Variants in RNF20 observed in about 807,000 individuals in gnomAD.
RNF20 encodes ring finger protein 20.
In RNF20, 84 loss-of-function variants were observed where a neutral mutation model predicts 126.2. The observed-to-expected ratio is 0.67, with a 90% CI of 0.56 to 0.80. RNF20 has a LOEUF of 0.80. Among genes scored for constraint, RNF20 ranks in the 30% least tolerant of loss-of-function variants. The probability of loss-of-function intolerance (pLI) is 0.00; values close to 1 mark genes in which losing one functional copy is unlikely to be tolerated. For synonymous variants in RNF20, 400 were observed against 414.3 expected (o/e 0.97, Z 0.42); for missense variants, 869 against 1,188.2 (o/e 0.73, Z 3.95).
At chr9:101,538,370 T>C (rs1391150238) in intron 2 of RNF20, among the ~76,000 whole-genome samples, 1 of 152,124 alleles carries the variant, frequency 6.6e-6, no homozygotes, top group African/African-American at 2.4e-5. Context: ...GCTAAGTCTT[T>C]GTGAAATGTG....
intron 15 of RNF20, among the ~76,000 whole-genome samples, chr9:101,555,801 A>C (rs1363381154): frequency 6.6e-6 from 1 of 151,684 alleles, no homozygotes; most frequent in African/African-American, 2.4e-5. Context: ...AAAAAAAAAA[A>C]AAACAAAATT....
chr9:101,557,748 T>C (rs898030404), intron 16 of RNF20, 152 bp downstream of exon 16: 1 of 606,864 alleles, frequency 1.6e-6, no homozygotes, highest in Admixed American at 3.0e-5. Context: ...GGTAAATAAA[T>C]TATACATCTC....
chr9:101,560,328 TA>T (rs1827605323), intron 16 of RNF20, among the ~76,000 whole-genome samples: 1 of 152,162 alleles, frequency 6.6e-6, no homozygotes, highest in African/African-American at 2.4e-5. Flanking sequence ...TACCTCTACA[TA>T]TTGGGATGAG....
chr9:101,557,664 A>G, intron 16 of RNF20, 68 bp downstream of exon 16: 1 of 1,211,002 alleles, frequency 8.3e-7, no homozygotes, highest in Non-Finnish European at 1.2e-6. Flanking sequence ...GATATAAGTA[A>G]AAGAATGATT....
At chr9:101,547,020 G>T in intron 7 of RNF20, 54 bp downstream of exon 7, 1 of 1,605,426 alleles carries the variant, frequency 6.2e-7, no homozygotes, top group Admixed American at 1.7e-5. Flanking sequence ...AGTGTTCTCA[G>T]GAAGACTCAC....
At chr9:101,548,321 A>G (rs1187478842) in intron 9 of RNF20, among the ~76,000 whole-genome samples, 1 of 152,170 alleles carries the variant, frequency 6.6e-6, no homozygotes, top group Non-Finnish European at 1.5e-5. Flanking sequence ...GGTGGTTACC[A>G]GGGTTGGGGA....
chr9:101,552,901 G>T, intron 13 of RNF20, 148 bp downstream of exon 13: 2 of 812,642 alleles, frequency 2.5e-6, no homozygotes, highest in Non-Finnish European at 3.8e-6. Context: ...GTGTTCAAGT[G>T]CACAGCCAAA....
At chr9:101,540,746 CA>C in intron 4 of RNF20, 46 bp from the exon 5 acceptor site, 1 of 1,592,878 alleles carries the variant, frequency 6.3e-7, no homozygotes, top group Non-Finnish European at 8.5e-7. Context: ...TTGTTATTTC[CA>C]GTTTATAATT....
In RNF20 at chr9:101,554,501, G is replaced by C. The variant is rs2118725109; in HGVS notation, c.2020-193G>C. ...CTTCTCAAAAGTGTTGCTTATAGAA[G>C]CATGTCATAGTAGAATGGAGTGATG... On this transcript the variant is annotated intron_variant, in intron 14 of 19. Transcript: ENST00000389120. Among the ~76,000 whole-genome samples, 2 of 152,280 alleles carry C rather than the reference G, an allele frequency of 1.3e-5. 1 individual carries two copies. Among genetic ancestry groups the C allele is most frequent in the South Asian group, 4.1e-4 (2 of 4,828 alleles).
chr9:101,561,242 T>C lies in RNF20; in HGVS notation c.2649+12T>C. 1 of 1,612,608 alleles carries C rather than the reference T, an allele frequency of 6.2e-7. No individual in the cohort carries two copies. The highest frequency in any genetic ancestry group is 2.2e-5 in the East Asian group (1 of 44,852). ...TCAAACGAGCCCAGGTAAAAGCAGT[T>C]GTCTTTTCTTGTCACCTTTTAGGTG... On this transcript the variant is annotated intron_variant, in intron 18 of 19. Coordinates refer to ENST00000389120, the MANE Select transcript of RNF20 (RefSeq NM_019592.7).
chr9:101,541,496 GGAAA>G (rs1827259909), intron 5 of RNF20, among the ~76,000 whole-genome samples: 1 of 152,226 alleles, frequency 6.6e-6, no homozygotes. Flanking sequence ...AATAAGCTGA[GGAAA>G]GAGTTTATCA....
At position 101,552,558 on chromosome 9, in the gene RNF20, G is replaced by A. The variant is rs770333462; in HGVS notation, c.1706G>A (p.Arg569Gln). 4.3e-6 allele frequency: 7 copies of A among 1,612,438 alleles called. No homozygotes were observed. Among genetic ancestry groups the A allele is most frequent in the African/African-American group, 1.3e-5 (1 of 74,948 alleles). Residue 569 changes from arginine (R) to glutamine (Q), a missense_variant, in exon 13 of 20, where the codon CGA becomes CAA. Around this residue, in one of 8 missense-constraint regions of RNF20, gnomAD observed 231 missense variants for 263.6 expected, o/e 0.88. Transcript: ENST00000389120. ...AAGTCTAAACGGGATGAAGAAGAAC[G>A]AGAACGAGAAAGGAGGGAGAAGGAG... Reference protein sequence around the residue: ...EIKSKRDEEERERERREKERE... With the variant: ...EIKSKRDEEEQERERREKERE...
At chr9:101,552,001 G>C in intron 11 of RNF20, 140 bp from the exon 12 acceptor site, 1 of 1,328,204 alleles carries the variant, frequency 7.5e-7, no homozygotes, top group African/African-American at 1.5e-5. Flanking sequence ...GACCAGTTTT[G>C]TTTTCATCTT....
In RNF20 at chr9:101,535,546, T is replaced by A; in HGVS notation, c.123T>A (p.Ser41=). Residue 41 remains serine, a synonymous_variant, in exon 2 of 20, where the codon TCT becomes TCA. Transcript: ENST00000389120. ...TVETIKLGGV[S]STEELDIRTL... ...AAACAATTAAGCTAGGAGGTGTCTC[T>A]TCAACGGTATGAGGAAACAGTGCCA... The A allele has an allele frequency of 6.2e-7, 1 of 1,611,180 alleles. No individual in the cohort carries two copies. Among genetic ancestry groups the A allele is most frequent in the Non-Finnish European group, 8.5e-7 (1 of 1,178,754 alleles).
intron 5 of RNF20, among the ~76,000 whole-genome samples, chr9:101,543,448 A>G (rs932429357): frequency 1.4e-5 from 2 of 148,012 alleles, no homozygotes; most frequent in African/African-American, 5.0e-5. Flanking sequence ...CCAGGGCGGC[A>G]CTGTCTAACC....
Position 101,544,816 on chromosome 9 carries a change from A to T in RNF20, c.678A>T (p.Ala226=). 1 of 1,613,884 alleles carries T rather than the reference A, an allele frequency of 6.2e-7. No individual in the cohort carries two copies. The highest frequency in any genetic ancestry group is 8.5e-7 in the Non-Finnish European group (1 of 1,179,776). The change falls in exon 6 of 20, where the codon GCA becomes GCT. Residue 226 remains alanine (A), a synonymous_variant. Coordinates refer to ENST00000389120, the MANE Select transcript of RNF20 (RefSeq NM_019592.7). ...TGCAGGAGCTGAACTCTTTCCTCGC[A>T]CAGGAGAATATGAGGCTACAGGAAT... ...EAVQELNSFL[A]QENMRLQELT...
At chr9:101,541,153 A>G (rs1225690162) in intron 5 of RNF20, among the ~76,000 whole-genome samples, 178 bp downstream of exon 5, 1 of 152,182 alleles carries the variant, frequency 6.6e-6, no homozygotes, top group African/African-American at 2.4e-5. Flanking sequence ...ATCATAGCCC[A>G]TTGAATCCTC....
intron 9 of RNF20, among the ~76,000 whole-genome samples, chr9:101,549,093 G>C (rs1054432881): frequency 6.6e-6 from 1 of 152,220 alleles, no homozygotes; most frequent in Non-Finnish European, 1.5e-5. Flanking sequence ...AGAGAGTGTA[G>C]AAATAAAGAC....
At position 101,563,140 on chromosome 9, in the gene RNF20, A is replaced by G. The variant is rs1416845007; in HGVS notation, c.*718A>G. On this transcript the variant is annotated 3_prime_UTR_variant, in exon 20 of 20. Coordinates refer to ENST00000389120, the MANE Select transcript of RNF20 (RefSeq NM_019592.7). The stretch of plus-strand genomic sequence containing the variant: ...TGTCTTCTAATGAAATAAAGATTGA[A>G]GAGGTTGAGTCAGGACTGAGCTGGT... The G allele has an allele frequency of 1.3e-5, 2 of 152,602 alleles. No homozygotes were observed. Among genetic ancestry groups the G allele is most frequent in the Admixed American group, 6.5e-5 (1 of 15,268 alleles). The allele number at this position is 152,602 out of a possible 1,614,324, so 9.5% of individuals were successfully genotyped here. A position where few individuals can be genotyped will look rare whatever the true frequency, so the allele number is the denominator to read the frequency against.
Sources: allele counts gnomAD v4.1 joint callset (sites outside exome capture counted in the v4.1 genomes callset), GRCh38; gene constraint gnomAD v4.1.1; regional missense constraint gnomAD v4.1.1; transcripts MANE v1.5; gene names NCBI Gene and HGNC (gene_info 2026-07-23, HGNC 2026-07-21).